The following COL4A1 variants were observed in gnomAD, a reference collection of about 807,000 sequenced individuals.
COL4A1 encodes the protein collagen alpha-1(IV) chain.
COL4A1 carries 40 observed loss-of-function variants against 216.6 expected under a neutral mutation model. The observed-to-expected ratio is 0.18, with a 90% confidence interval of 0.14 to 0.24. The LOEUF is 0.24. Ranked by LOEUF, COL4A1 falls within the 10% of genes least tolerant of loss-of-function variation. COL4A1 has a pLI of 1.00. For synonymous variants in COL4A1, 839 were observed against 810.7 expected (o/e 1.03, Z -0.59); for missense variants, 1,628 against 2,196.8 (o/e 0.74, Z 5.18).
chr13:110,206,618 T>C (rs763527787), intron 15 of COL4A1, 47 bp downstream of exon 15: 3 of 1,598,584 alleles, frequency 1.9e-6, no homozygotes, highest in Non-Finnish European at 2.6e-6. Context: ...ATTTTCCGCA[T>C]GGAAGGAGAA....
chr13:110,228,024 C>A (rs1401352540), intron 2 of COL4A1, among the ~76,000 whole-genome samples: 1 of 152,156 alleles, frequency 6.6e-6, no homozygotes, highest in Non-Finnish European at 1.5e-5. Context: ...TTGAACGTCA[C>A]CCTCGCTGGG....
At chr13:110,201,925 T>C (rs184982150) in intron 18 of COL4A1, among the ~76,000 whole-genome samples, 12 of 152,156 alleles carry the variant, frequency 7.9e-5, no homozygotes, top group Non-Finnish European at 1.6e-4. Flanking sequence ...GAGGTTGCAT[T>C]GAGCTGAGAT....
intron 1 of COL4A1, among the ~76,000 whole-genome samples, chr13:110,272,494 A>G (rs919950986): frequency 6.6e-6 from 1 of 152,028 alleles, no homozygotes; most frequent in Non-Finnish European, 1.5e-5. Flanking sequence ...AGCGCAGATC[A>G]CCTGTGGGCG....
intron 2 of COL4A1, among the ~76,000 whole-genome samples, chr13:110,215,029 C>T (rs963322075): frequency 9.2e-5 from 14 of 152,250 alleles, no homozygotes; most frequent in South Asian, 8.3e-4. Flanking sequence ...TAACAAATAG[C>T]GAGGTGTTTT....
intron 2 of COL4A1, among the ~76,000 whole-genome samples, chr13:110,225,559 G>A (rs528176253): frequency 6.6e-6 from 1 of 152,126 alleles, no homozygotes; most frequent in African/African-American, 2.4e-5. Flanking sequence ...CTCCAGCCTG[G>A]GTGACAGAGC....
At chr13:110,193,240 G>T (rs1371946372) in intron 22 of COL4A1, among the ~76,000 whole-genome samples, 1 of 152,232 alleles carries the variant, frequency 6.6e-6, no homozygotes, top group East Asian at 1.9e-4. Context: ...ATTCAACTGT[G>T]CCTATCAGCC....
chr13:110,293,140 G>A (rs1216699306), intron 1 of COL4A1, among the ~76,000 whole-genome samples: 1 of 152,182 alleles, frequency 6.6e-6, no homozygotes, highest in African/African-American at 2.4e-5. Context: ...ACTCCCCAGT[G>A]CCACCGTTGG....
At chr13:110,157,836 C>T (rs1405469256) in intron 49 of COL4A1, among the ~76,000 whole-genome samples, 1 of 152,120 alleles carries the variant, frequency 6.6e-6, no homozygotes, top group Non-Finnish European at 1.5e-5. Flanking sequence ...GGGTGTTTTA[C>T]TGAGAGGAAT....
intron 4 of COL4A1, 21 bp downstream of exon 4, chr13:110,213,761 G>A (rs779706038): frequency 1.2e-6 from 2 of 1,613,142 alleles, no homozygotes; most frequent in Non-Finnish European, 1.7e-6. Context: ...ATCATCGATT[G>A]TGAGTAGCAA....
intron 22 of COL4A1, among the ~76,000 whole-genome samples, chr13:110,194,098 C>A (rs1299989754): frequency 6.6e-6 from 1 of 152,174 alleles, no homozygotes; most frequent in Non-Finnish European, 1.5e-5. Context: ...GTACTGAGCG[C>A]CTGGTAACTA....
intron 26 of COL4A1, among the ~76,000 whole-genome samples, chr13:110,185,195 G>C (rs1594559483): frequency 2.0e-5 from 3 of 152,050 alleles, no homozygotes; most frequent in East Asian, 3.9e-4. Context: ...ACCCAGGCTG[G>C]AGTGCAGTGG....
chr13:110,227,825 C>T (rs949874574), intron 2 of COL4A1, among the ~76,000 whole-genome samples: 2 of 152,174 alleles, frequency 1.3e-5, no homozygotes, highest in Non-Finnish European at 1.5e-5. Flanking sequence ...AATATCCTGC[C>T]GTGGGTTAGG....
rs370484602 is a variant in COL4A1 at position 110,203,491 on chromosome 13, T to G, written c.999+75A>C. 843 of 1,515,268 alleles carry G rather than the reference T, an allele frequency of 5.6e-4. 5 individuals carry two copies. In the African/African-American group the frequency reaches 1.0e-2, roughly 18 times the overall value. 93.9% of individuals were successfully genotyped at this position (1,515,268 alleles called of 1,614,324 possible). A position where few individuals can be genotyped will look rare whatever the true frequency, so the allele number is the denominator to read the frequency against. On this transcript the variant is annotated intron_variant, in intron 18 of 51. Coordinates refer to ENST00000375820, the MANE Select transcript of COL4A1 (RefSeq NM_001845.6). ...AGGGTCCTCTCCTTCCTCCCCCCAG[T>G]GCTCTCACAGACCCAGGGTCCTCTC... is the stretch of plus-strand genomic sequence containing the variant.
chr13:110,246,456 C>T lies in COL4A1; in HGVS notation c.85-3722G>A, dbSNP rs1015985870. The stretch of plus-strand genomic sequence containing the variant: ...GTCAGGTAATGCAAGTCTTAATTCA[C>T]TGTTGTAAATTACTGTGTTTAAAAG... On this transcript the variant is annotated intron_variant, in intron 1 of 51. Transcript: ENST00000375820. Among the ~76,000 whole-genome samples the T allele has an allele frequency of 3.3e-5, 5 of 152,124 alleles. No individual in the cohort carries two copies. In the East Asian group the frequency reaches 9.6e-4, roughly 29 times the overall value.
At chr13:110,162,533 T>C (rs1877134644) in intron 47 of COL4A1, 91 bp from the exon 48 acceptor site, 2 of 1,011,044 alleles carry the variant, frequency 2.0e-6, no homozygotes, top group Non-Finnish European at 1.5e-6. Flanking sequence ...GTTTTTAATA[T>C]TTTATATTTC....
chr13:110,266,588 G>A (rs1883046422), intron 1 of COL4A1, among the ~76,000 whole-genome samples: 1 of 152,204 alleles, frequency 6.6e-6, no homozygotes, highest in South Asian at 2.1e-4. Flanking sequence ...CTGACTTGGG[G>A]AAACACACAG....
intron 1 of COL4A1, among the ~76,000 whole-genome samples, chr13:110,295,983 G>T (rs1884260601): frequency 6.6e-6 from 1 of 152,224 alleles, no homozygotes; most frequent in Middle Eastern, 3.2e-3. Context: ...ACTCAGATGT[G>T]CAGTGCTGGC....
chr13:110,276,173 T>C (rs1279043152), intron 1 of COL4A1, among the ~76,000 whole-genome samples: 1 of 152,070 alleles, frequency 6.6e-6, no homozygotes, highest in Non-Finnish European at 1.5e-5. Flanking sequence ...AAGAGGTACG[T>C]GGGAACTCTT....
rs1384654058 is a variant in COL4A1, at chr13:110,176,532, C to T, written c.2969-19G>A. 1.9e-6 allele frequency: 3 copies of T among 1,602,146 alleles called. No homozygotes were observed. Among genetic ancestry groups the T allele is most frequent in the Non-Finnish European group, 2.6e-6 (3 of 1,169,196 alleles). ...TTAGGTCCTAGAACCATAAAGAAAG[C>T]AGTCTGACAGGTTGACATCTACAGA... On this transcript the variant is annotated intron_variant, in intron 35 of 51. Transcript: ENST00000375820.
Sources: gnomAD v4.1 joint callset for allele counts (sites outside exome capture counted in the v4.1 genomes callset) on GRCh38, gnomAD v4.1.1 for gene constraint, MANE v1.5 for transcripts, NCBI Gene and HGNC (gene_info 2026-07-23, HGNC 2026-07-21) for gene names.